The following DNAAF5 variants were observed in gnomAD, a reference collection of about 807,000 sequenced individuals.
DNAAF5 encodes dynein axonemal assembly factor 5.
A neutral mutation model predicts 75.8 loss-of-function variants in DNAAF5; 64 were observed. That is an observed-to-expected ratio of 0.84 (90% CI 0.69 to 1.04). DNAAF5 has a LOEUF of 1.04. Ranked by LOEUF, DNAAF5 falls within the 50% of genes least tolerant of loss-of-function variation. The probability of loss-of-function intolerance (pLI) is 0.00; values close to 1 mark genes in which losing one functional copy is unlikely to be tolerated. For missense variants in DNAAF5, 1,269 were observed against 1,178.5 expected (o/e 1.08, Z -1.12); for synonymous variants, 657 against 557.2 (o/e 1.18, Z -2.52).
At chr7:763,178 A>G (rs1782719516) in intron 7 of DNAAF5, among the ~76,000 whole-genome samples, 1 of 152,108 alleles carries the variant, frequency 6.6e-6, no homozygotes, top group African/African-American at 2.4e-5. Context: ...CGTGTGTCTC[A>G]GCAGATGCTG....
intron 12 of DNAAF5, among the ~76,000 whole-genome samples, chr7:781,645 C>T (rs748523829): frequency 6.6e-6 from 1 of 152,228 alleles, no homozygotes; most frequent in Non-Finnish European, 1.5e-5. Context: ...TGAGGGTTCC[C>T]TTGTCTCCAC....
At chr7:779,502 A>G (rs191060067) in intron 11 of DNAAF5, among the ~76,000 whole-genome samples, 1 of 152,344 alleles carries the variant, frequency 6.6e-6, no homozygotes, top group Admixed American at 6.5e-5. Context: ...AGCAGCAGAA[A>G]ACTGACCACA....
At position 754,007 on chromosome 7, in the gene DNAAF5, CAT is replaced by C. The variant is rs757023067; in HGVS notation, c.1025-580_1025-579del. On this transcript the variant is annotated intron_variant, in intron 4 of 12. Transcript: ENST00000297440. The surrounding 1 kb of genome is among the most constrained non-coding windows in gnomAD (Gnocchi z 4.8). Reference sequence around the variant, plus strand: ...CTTCGCAGGCGTGTGTCTCTCTGATCATAGGGGGACGGCTTCGCAGGCGTGTC... The same window carrying C: ...CTTCGCAGGCGTGTGTCTCTCTGATCAGGGGGACGGCTTCGCAGGCGTGTC... Among the ~76,000 whole-genome samples, 2 of 134,264 alleles carry C rather than the reference CAT, an allele frequency of 1.5e-5. No individual in the cohort carries two copies. Among genetic ancestry groups the C allele is most frequent in the Admixed American group, 1.6e-4 (2 of 12,562 alleles). 88.1% of individuals were successfully genotyped at this position (134,264 alleles called of 152,430 possible). A position where few individuals can be genotyped will look rare whatever the true frequency, so the allele number is the denominator to read the frequency against.
rs1779137156 is a variant in DNAAF5, at chr7:786,089, C to A, written c.*436C>A. On this transcript the variant is annotated 3_prime_UTR_variant, in exon 13 of 13. Transcript: ENST00000297440. ...AATGAAATCTCTTTTTGGGTTCTGTCTACTGAAATTTAATATCTCAGTGAA... is the reference window on the plus strand; with the variant it reads ...AATGAAATCTCTTTTTGGGTTCTGTATACTGAAATTTAATATCTCAGTGAA... 1 of 158,398 alleles carries A rather than the reference C, an allele frequency of 6.3e-6. No individual in the cohort carries two copies. The highest frequency in any genetic ancestry group is 2.4e-5 in the African/African-American group (1 of 41,564). The allele number at this position is 158,398 out of a possible 1,614,324, so 9.8% of individuals were successfully genotyped here.
chr7:736,442 C>T lies in DNAAF5; in HGVS notation c.781-4377C>T, dbSNP rs145479749. Among the ~76,000 whole-genome samples, 196 of 152,258 alleles carry T rather than the reference C, an allele frequency of 1.3e-3. 1 individual carries two copies. The highest frequency in any genetic ancestry group is 6.8e-3 in the Middle Eastern group (2 of 294). ...GTTATATCCTCTTGCTGAGTTGACC[C>T]CTTTATCATTATATGATGACCTTTG... On this transcript the variant is annotated intron_variant, in intron 2 of 12. Coordinates refer to ENST00000297440, the MANE Select transcript of DNAAF5 (RefSeq NM_017802.4).
At chr7:746,137 A>G (rs1340932474) in intron 4 of DNAAF5, among the ~76,000 whole-genome samples, 1 of 152,214 alleles carries the variant, frequency 6.6e-6, no homozygotes, top group Non-Finnish European at 1.5e-5. Flanking sequence ...TTTAAATGTC[A>G]GATCAGAAGA....
chr7:742,888 C>A (rs189037584), intron 4 of DNAAF5, among the ~76,000 whole-genome samples: 68 of 151,740 alleles, frequency 4.5e-4, no homozygotes, highest in African/African-American at 1.6e-3. Flanking sequence ...CAGCTCAAAT[C>A]AATCATGTCC....
chr7:769,037 G>A (rs554783989), intron 8 of DNAAF5: 30 of 646,076 alleles, frequency 4.6e-5, no homozygotes, highest in Middle Eastern at 4.8e-4. Context: ...CAAGACACCA[G>A]CTGGTCTCAC....
chr7:780,706 C>T (rs1778907581), intron 12 of DNAAF5, among the ~76,000 whole-genome samples: 1 of 152,224 alleles, frequency 6.6e-6, no homozygotes, highest in South Asian at 2.1e-4. Context: ...CAGGCCGTCC[C>T]TTGAAGGTCA....
intron 2 of DNAAF5, among the ~76,000 whole-genome samples, chr7:739,591 G>C (rs540728356): frequency 6.6e-6 from 1 of 152,214 alleles, no homozygotes; most frequent in Non-Finnish European, 1.5e-5. Flanking sequence ...CCTGCTGCTC[G>C]CACGCCGAGA....
intron 9 of DNAAF5, among the ~76,000 whole-genome samples, chr7:773,671 T>C (rs774232468): frequency 3.3e-5 from 5 of 152,148 alleles, no homozygotes; most frequent in Non-Finnish European, 5.9e-5. Context: ...AGGGGCTCAC[T>C]GGGTGCTGCC....
chr7:726,799 C>A lies in DNAAF5; in HGVS notation c.79C>A (p.Leu27Met). 7.7e-7 allele frequency: 1 copy of A among 1,302,570 alleles called. No individual in the cohort carries two copies. Among genetic ancestry groups the A allele is most frequent in the East Asian group, 3.1e-5 (1 of 32,134 alleles). 80.7% of individuals were successfully genotyped at this position (1,302,570 alleles called of 1,614,324 possible). A position where few individuals can be genotyped will look rare whatever the true frequency, so the allele number is the denominator to read the frequency against. ...GGCCGAGACGGCTGAGGCGGTGGAG[C>A]TGAGCCGCGCCCTGAGCCGCCTGCT... Reference protein sequence around the residue: ...EGAETAEAVELSRALSRLLPG... With the variant: ...EGAETAEAVEMSRALSRLLPG... The change falls in exon 1 of 13, where the codon CTG (leucine) becomes ATG (methionine). Residue 27 changes from leucine to methionine, a missense_variant. Leu to Met is a conservative substitution (Grantham distance 15). Transcript: ENST00000297440.
chr7:749,562 A>C (rs185116527), intron 4 of DNAAF5, among the ~76,000 whole-genome samples: 127 of 152,302 alleles, frequency 8.3e-4, no homozygotes, highest in African/African-American at 2.9e-3. Flanking sequence ...GGAAAGATGG[A>C]AGCTTGAATG....
rs986624487 is a variant in DNAAF5, at chr7:726,857, GGCGGCGCGCCTTGGAGGCCCT to G, written c.147_167del (p.Ala52_Glu58del). 2.3e-6 allele frequency: 3 copies of G among 1,318,478 alleles called. No homozygotes were observed. The highest frequency in any genetic ancestry group is 2.9e-6 in the Non-Finnish European group (3 of 1,037,134). The allele number at this position is 1,318,478 out of a possible 1,614,324, so 81.7% of individuals were successfully genotyped here. A position where few individuals can be genotyped will look rare whatever the true frequency, so the allele number is the denominator to read the frequency against. On this transcript the variant is annotated inframe_deletion, in exon 1 of 13. Transcript: ENST00000297440. ...CTGGAGGCCGACAGCAAGCCGGGCC[GGCGGCGCGCCTTGGAGGCCCT>G]GCGGCGCGCGCTGGAGGAGCCAGGC...
chr7:769,258 G>C, intron 8 of DNAAF5: 1 of 728,718 alleles, frequency 1.4e-6, no homozygotes, highest in Non-Finnish European at 2.5e-6. Flanking sequence ...ACACTGGCCC[G>C]GGGCCAGAGC....
chr7:758,129 G>A (rs948642685), intron 6 of DNAAF5, among the ~76,000 whole-genome samples: 1 of 152,232 alleles, frequency 6.6e-6, no homozygotes, highest in African/African-American at 2.4e-5. Flanking sequence ...CCCAAAACCC[G>A]TTTTTAACAC....
chr7:745,739 C>T (rs1206509881), intron 4 of DNAAF5, among the ~76,000 whole-genome samples: 1 of 152,250 alleles, frequency 6.6e-6, no homozygotes, highest in Non-Finnish European at 1.5e-5. Flanking sequence ...TGTGCACATA[C>T]ATGTACACAT....
In DNAAF5 at chr7:755,749, T is replaced by C. The variant is rs150007738; in HGVS notation, c.1257+928T>C. 2.8e-3 allele frequency among the ~76,000 whole-genome samples: 419 copies of C among 152,330 alleles called. 4 individuals are homozygous for C. The highest frequency in any genetic ancestry group is 9.3e-3 in the African/African-American group (388 of 41,574). On this transcript the variant is annotated intron_variant, in intron 5 of 12. Coordinates refer to ENST00000297440, the MANE Select transcript of DNAAF5 (RefSeq NM_017802.4). ...CTGTCTCAGATAAAACAAAAAAATC[T>C]AAATCATTGTGACTGATTTAAAGTA... is the stretch of plus-strand genomic sequence containing the variant.
At chr7:741,579 C>T (rs1229693687) in intron 4 of DNAAF5, 114 bp downstream of exon 4, 12 of 683,264 alleles carry the variant, frequency 1.8e-5, no homozygotes, top group East Asian at 1.6e-4. Flanking sequence ...CAGGCGGCCG[C>T]GTCGGAAAGG....
Sources: gnomAD v4.1 joint callset for allele counts (sites outside exome capture counted in the v4.1 genomes callset) on GRCh38, gnomAD v4.1.1 for gene constraint, Gnocchi (gnomAD v3.1) non-coding constraint, MANE v1.5 for transcripts, NCBI Gene and HGNC (gene_info 2026-07-23, HGNC 2026-07-21) for gene names.